RBFOX3: variants seen among roughly 807,000 people sequenced by gnomAD.
The protein encoded by RBFOX3 is RNA binding protein fox-1 homolog 3.
RBFOX3 carries 17 observed loss-of-function variants against 48.7 expected under a neutral mutation model. That is an observed-to-expected ratio of 0.35 (90% CI 0.24 to 0.52). RBFOX3 has a LOEUF of 0.52. Ranked by LOEUF, RBFOX3 falls within the 20% of genes least tolerant of loss-of-function variation. The probability of loss-of-function intolerance (pLI) is 0.94; values close to 1 mark genes in which losing one functional copy is unlikely to be tolerated. For missense variants in RBFOX3, 382 were observed against 497.5 expected, an observed-to-expected ratio of 0.77 and a Z score of 2.21; for synonymous variants, 212 against 209.5, an observed-to-expected ratio of 1.01 and a Z score of -0.10.
intron 1 of RBFOX3, among the ~76,000 whole-genome samples, chr17:79,495,771 G>T (rs1290655933): frequency 6.6e-6 from 1 of 150,662 alleles, no homozygotes; most frequent in African/African-American, 2.4e-5. Flanking sequence ...CGGGGCAGGG[G>T]AGGGGTGCAG....
At position 79,370,162 on chromosome 17, in the gene RBFOX3, G is replaced by A. The variant is rs1010821286; in HGVS notation, c.-174-62338C>T. 2.6e-5 allele frequency among the ~76,000 whole-genome samples: 4 copies of A among 152,180 alleles called. No homozygotes were observed. In the East Asian group the frequency reaches 7.7e-4, roughly 29 times the overall value. On this transcript the variant is annotated intron_variant, in intron 2 of 14. Transcript: ENST00000693108. ...AGCACCTCTCTCACCAGGAGCCAAC[G>A]CTCACAGAGCCAAGAGGAAAGAAGT... is the stretch of plus-strand genomic sequence containing the variant.
chr17:79,270,673 G>C (rs931843853), intron 3 of RBFOX3, among the ~76,000 whole-genome samples: 1 of 152,276 alleles, frequency 6.6e-6, no homozygotes, highest in African/African-American at 2.4e-5. Flanking sequence ...CAAAGAGAGC[G>C]ATGTAGGCAG....
At chr17:79,201,585 G>T (rs891819130) in intron 4 of RBFOX3, among the ~76,000 whole-genome samples, 1 of 152,206 alleles carries the variant, frequency 6.6e-6, no homozygotes, top group South Asian at 2.1e-4. Flanking sequence ...CCTCTCAGGA[G>T]GGGACTGTTC....
At chr17:79,411,134 G>A (rs1479808293) in intron 2 of RBFOX3, among the ~76,000 whole-genome samples, 2 of 152,222 alleles carry the variant, frequency 1.3e-5, no homozygotes, top group Admixed American at 6.5e-5. Context: ...GGCACCAGGC[G>A]CTGTGCCGAC....
At chr17:79,368,960 G>A (rs758699878) in intron 2 of RBFOX3, among the ~76,000 whole-genome samples, 1 of 152,156 alleles carries the variant, frequency 6.6e-6, no homozygotes, top group East Asian at 1.9e-4. Context: ...TGGGCTTCAC[G>A]AAGGCAGGAA....
intron 2 of RBFOX3, among the ~76,000 whole-genome samples, chr17:79,388,039 T>A (rs1476223922): frequency 1.3e-5 from 2 of 149,690 alleles, no homozygotes; most frequent in Non-Finnish European, 3.0e-5. Context: ...TATGAACTTG[T>A]GTGCATGTAC....
At chr17:79,380,327 A>G (rs956036164) in intron 2 of RBFOX3, among the ~76,000 whole-genome samples, 3 of 152,316 alleles carry the variant, frequency 2.0e-5, no homozygotes, top group Admixed American at 1.3e-4. Context: ...TGCCTAATCA[A>G]ATTAACAAAG....
At chr17:79,282,766 C>A (rs953168711) in intron 3 of RBFOX3, among the ~76,000 whole-genome samples, 1 of 152,250 alleles carries the variant, frequency 6.6e-6, no homozygotes, top group Admixed American at 6.5e-5. Context: ...CCAGCACAAC[C>A]AACACAACAT....
intron 2 of RBFOX3, among the ~76,000 whole-genome samples, chr17:79,396,951 C>A (rs375030537): frequency 2.6e-5 from 4 of 152,338 alleles, no homozygotes; most frequent in African/African-American, 4.8e-5. Context: ...GGAGAACGAA[C>A]CCCTGTCACA....
rs527891717 is a variant in RBFOX3, at chr17:79,146,110, C to T, written c.-33-30362G>A. 5.2e-4 allele frequency among the ~76,000 whole-genome samples: 79 copies of T among 152,244 alleles called. 1 individual carries two copies. Among genetic ancestry groups the T allele is most frequent in the African/African-American group, 1.6e-3 (66 of 41,520 alleles). ...GGTGGAGCTCAGGTGGTCACGGCAG[C>T]GATGAAGAGCGGATATGAATACAGA... On this transcript the variant is annotated intron_variant, in intron 4 of 14. Transcript: ENST00000693108.
At chr17:79,593,311 C>T (rs1470962867) in intron 1 of RBFOX3, among the ~76,000 whole-genome samples, 11 of 141,010 alleles carry the variant, frequency 7.8e-5, no homozygotes, top group Middle Eastern at 3.7e-3. Flanking sequence ...CATGTGTGCA[C>T]GCCTGTACAT....
At chr17:79,115,444 G>T in intron 5 of RBFOX3, 50 bp downstream of exon 5, 2 of 1,183,582 alleles carry the variant, frequency 1.7e-6, no homozygotes, top group Non-Finnish European at 2.2e-6. Flanking sequence ...CTGGGTGGGT[G>T]CTCCTCCCTG....
intron 2 of RBFOX3, among the ~76,000 whole-genome samples, chr17:79,318,483 C>A (rs2077858409): frequency 6.6e-6 from 1 of 152,128 alleles, no homozygotes; most frequent in Admixed American, 6.5e-5. Flanking sequence ...CTCAGCCATA[C>A]CATAGTGGTG....
intron 4 of RBFOX3, among the ~76,000 whole-genome samples, chr17:79,124,979 C>T (rs115415091): frequency 0.013 from 1,996 of 152,212 alleles, 30 homozygotes; most frequent in Non-Finnish European, 0.019. Flanking sequence ...GCTTCCTCCA[C>T]GCGCTCCTCC....
intron 4 of RBFOX3, among the ~76,000 whole-genome samples, chr17:79,140,825 T>A (rs1225388899): frequency 2.0e-5 from 3 of 152,200 alleles, no homozygotes. Flanking sequence ...GGAATTCTTT[T>A]TTTTGCCAAA....
At chr17:79,223,239 C>T (rs995842360) in intron 4 of RBFOX3, among the ~76,000 whole-genome samples, 4 of 152,160 alleles carry the variant, frequency 2.6e-5, no homozygotes, top group South Asian at 2.1e-4. Flanking sequence ...TACACACACA[C>T]GGTCCCCCTA....
At chr17:79,658,857 C>T in the RBFOX3 span, among the ~76,000 whole-genome samples, 2 of 152,222 alleles carry the variant, frequency 1.3e-5, no homozygotes, top group Admixed American at 6.5e-5. Context: ...AGCCTACAGG[C>T]AAGTCACTTA....
the RBFOX3 span, among the ~76,000 whole-genome samples, chr17:79,664,773 C>T: frequency 6.6e-6 from 1 of 152,152 alleles, no homozygotes; most frequent in East Asian, 1.9e-4. Flanking sequence ...GATGACACCT[C>T]TTACTCCCTC....
chr17:79,314,306 G>C (rs2077242523), intron 2 of RBFOX3, among the ~76,000 whole-genome samples: 1 of 152,202 alleles, frequency 6.6e-6, no homozygotes, highest in Non-Finnish European at 1.5e-5. Flanking sequence ...GAGAGGCATG[G>C]CAGTCAGGCA....
Sources: gnomAD v4.1 joint callset for allele counts (sites outside exome capture counted in the v4.1 genomes callset) on GRCh38, gnomAD v4.1.1 for gene constraint, MANE v1.5 for transcripts, NCBI Gene and HGNC (gene_info 2026-07-23, HGNC 2026-07-21) for gene names.